Variants in PAX5 observed in about 807,000 individuals in gnomAD.
PAX5 encodes the protein paired box protein Pax-5.
Under a neutral mutation model 43.7 loss-of-function variants are expected in PAX5, and 9 were observed. That is an observed-to-expected ratio of 0.21 (90% confidence interval 0.12 to 0.36). The LOEUF (loss-of-function observed/expected upper bound fraction) is 0.36, where lower values mean the gene tolerates loss of function less well. Ranked by LOEUF, PAX5 falls within the 10% of genes least tolerant of loss-of-function variation. The probability of loss-of-function intolerance (pLI) is 1.00; values close to 1 mark genes in which losing one functional copy is unlikely to be tolerated. For synonymous variants in PAX5, 228 were observed against 214.3 expected, an observed-to-expected ratio of 1.06 and a Z score of -0.56; for missense variants, 383 against 532.7, an observed-to-expected ratio of 0.72 and a Z score of 2.77.
At chr9:37,018,588 A>AAAAAAAAAAATT in intron 2 of PAX5, among the ~76,000 whole-genome samples, 1 of 150,960 alleles carries the variant, frequency 6.6e-6, no homozygotes, top group East Asian at 1.9e-4. Flanking sequence ...AAAAAAAAAA[A>AAAAAAAAAAATT]TCTGTGGATT....
chr9:36,982,552 C>A (rs914176534), intron 5 of PAX5, among the ~76,000 whole-genome samples: 1 of 152,182 alleles, frequency 6.6e-6, no homozygotes, highest in Non-Finnish European at 1.5e-5. Context: ...CAGAAAGAAC[C>A]TGTCCAGTGC....
chr9:36,880,001 A>T (rs12683779), intron 8 of PAX5, among the ~76,000 whole-genome samples: 11,768 of 152,320 alleles, frequency 0.077, 472 homozygotes, highest in Non-Finnish European at 0.081. Flanking sequence ...AAGAGTACAC[A>T]CGGAGGCCGT....
At chr9:37,014,347 G>T (rs1344565489) in intron 3 of PAX5, among the ~76,000 whole-genome samples, 7 of 152,184 alleles carry the variant, frequency 4.6e-5, no homozygotes, top group Non-Finnish European at 8.8e-5. Context: ...GTATGAGTTG[G>T]GGAGAGGGCA....
chr9:36,969,254 G>A (rs371371134), intron 5 of PAX5, among the ~76,000 whole-genome samples: 17 of 152,286 alleles, frequency 1.1e-4, no homozygotes, highest in East Asian at 3.9e-4. Flanking sequence ...CAGCTCCTCC[G>A]GCCCACCCAG....
At chr9:36,871,260 C>T (rs1023557138) in intron 8 of PAX5, among the ~76,000 whole-genome samples, 2 of 152,244 alleles carry the variant, frequency 1.3e-5, no homozygotes, top group African/African-American at 4.8e-5. Context: ...CTCGTCCAGT[C>T]CTCGGCGTTT....
At chr9:37,032,944 A>C (rs993107428) in intron 1 of PAX5, among the ~76,000 whole-genome samples, 4 of 152,162 alleles carry the variant, frequency 2.6e-5, no homozygotes, top group Non-Finnish European at 5.9e-5. Flanking sequence ...GCATCCACCC[A>C]CTGTGCTCTC....
chr9:36,855,501 A>G (rs1216806430), intron 8 of PAX5, among the ~76,000 whole-genome samples: 1 of 132,968 alleles, frequency 7.5e-6, no homozygotes, highest in Non-Finnish European at 1.7e-5. Context: ...GGCATGTACA[A>G]ATGACCCCCC....
chr9:36,927,555 A>G (rs1432576900), intron 6 of PAX5, among the ~76,000 whole-genome samples: 1 of 152,172 alleles, frequency 6.6e-6, no homozygotes, highest in Non-Finnish European at 1.5e-5. Flanking sequence ...TATGTTATAC[A>G]TGCAGCGGGA....
intron 5 of PAX5, among the ~76,000 whole-genome samples, chr9:36,974,882 G>T (rs190602800): frequency 6.6e-6 from 1 of 151,840 alleles, no homozygotes; most frequent in East Asian, 1.9e-4. Flanking sequence ...ACTTCACCCC[G>T]CAATGCCATC....
intron 7 of PAX5, among the ~76,000 whole-genome samples, chr9:36,915,705 C>T (rs1200263266): frequency 6.6e-6 from 1 of 151,736 alleles, no homozygotes; most frequent in Non-Finnish European, 1.5e-5. Flanking sequence ...ATGTTTAATA[C>T]TTAAATTTAT....
In PAX5 at chr9:36,834,917, G is replaced by A. The variant is rs1380389302; in HGVS notation, c.*5643C>T. 4.3e-6 allele frequency: 1 copy of A among 232,098 alleles called. No individual in the cohort carries two copies. Among genetic ancestry groups the A allele is most frequent in the East Asian group, 6.1e-5 (1 of 16,408 alleles). 14.4% of individuals were successfully genotyped at this position (232,098 alleles called of 1,614,324 possible). A position where few individuals can be genotyped will look rare whatever the true frequency, so the allele number is the denominator to read the frequency against. ...TGCCAGGCCTCAGAGTCGGGGAGGA[G>A]ATGCACGACTGCCAAGTCACCCCCA... On this transcript the variant is annotated 3_prime_UTR_variant, in exon 10 of 10. Coordinates refer to ENST00000358127, the MANE Select transcript of PAX5 (RefSeq NM_016734.3).
At chr9:36,992,286 CTTTAT>C (rs1008471631) in intron 5 of PAX5, among the ~76,000 whole-genome samples, 3 of 152,202 alleles carry the variant, frequency 2.0e-5, no homozygotes, top group Non-Finnish European at 4.4e-5. Context: ...AAACCCACTT[CTTTAT>C]TTTATTTTGT....
intron 8 of PAX5, among the ~76,000 whole-genome samples, chr9:36,863,314 A>C (rs1428055986): frequency 6.6e-6 from 1 of 152,048 alleles, no homozygotes; most frequent in Non-Finnish European, 1.5e-5. Context: ...CCCAGGCTGG[A>C]GTGCAGTGGC....
chr9:37,022,516 A>G lies in PAX5; in HGVS notation c.47-1715T>C, dbSNP rs1447409883. ...CATCTGGGAAAACAAAGGGCAGGCAAAGGAAGCTTAAACACCCAGCACACT... is the reference window on the plus strand; with the variant it reads ...CATCTGGGAAAACAAAGGGCAGGCAGAGGAAGCTTAAACACCCAGCACACT... On this transcript the variant is annotated intron_variant, in intron 1 of 9. Transcript: ENST00000358127. 2.0e-5 allele frequency among the ~76,000 whole-genome samples: 3 copies of G among 152,206 alleles called. No individual in the cohort carries two copies. In the East Asian group the frequency reaches 5.8e-4, roughly 29 times the overall value.
intron 7 of PAX5, among the ~76,000 whole-genome samples, chr9:36,922,005 C>T (rs1432086623): frequency 6.6e-6 from 1 of 152,186 alleles, no homozygotes; most frequent in African/African-American, 2.4e-5. Context: ...ACGTCTCCCA[C>T]CTCAGGCCTG....
At chr9:36,930,497 G>C (rs1186550375) in intron 6 of PAX5, among the ~76,000 whole-genome samples, 1 of 152,142 alleles carries the variant, frequency 6.6e-6, no homozygotes, top group Non-Finnish European at 1.5e-5. Flanking sequence ...AAAGTGCTGG[G>C]ATTACAGGCG....
In PAX5 at chr9:36,834,249, C is replaced by A. The variant is rs956255463; in HGVS notation, c.*6311G>T. ...CCGCCACCCTCTGTTGTGCTGGGTG[C>A]TTGGGGCCAGGGGATGGGCCTGCCT... On this transcript the variant is annotated 3_prime_UTR_variant, in exon 10 of 10. Coordinates refer to ENST00000358127, the MANE Select transcript of PAX5 (RefSeq NM_016734.3). 1 of 233,350 alleles carries A rather than the reference C, an allele frequency of 4.3e-6. No homozygotes were observed. The highest frequency in any genetic ancestry group is 8.5e-6 in the Non-Finnish European group (1 of 118,074). The allele number at this position is 233,350 out of a possible 1,614,324, so 14.5% of individuals were successfully genotyped here.
At chr9:37,016,180 A>C (rs1164884637) in intron 2 of PAX5, among the ~76,000 whole-genome samples, 1 of 152,156 alleles carries the variant, frequency 6.6e-6, no homozygotes, top group Non-Finnish European at 1.5e-5. Flanking sequence ...CTTGAACTAC[A>C]ATTTCCCCAA....
chr9:36,969,844 C>T (rs1834788148), intron 5 of PAX5, among the ~76,000 whole-genome samples: 1 of 152,256 alleles, frequency 6.6e-6, no homozygotes, highest in Admixed American at 6.5e-5. Flanking sequence ...CCACTCTCAC[C>T]CCACCAGCAC....
Sources: allele counts gnomAD v4.1 joint callset (sites outside exome capture counted in the v4.1 genomes callset), GRCh38; gene constraint gnomAD v4.1.1; transcripts MANE v1.5; gene names NCBI Gene and HGNC (gene_info 2026-07-23, HGNC 2026-07-21).